SLC39A14: variants seen among roughly 807,000 people sequenced by gnomAD.
The protein encoded by SLC39A14 is metal cation symporter ZIP14.
A neutral mutation model predicts 45.5 loss-of-function variants in SLC39A14; 19 were observed. The ratio of observed to expected loss-of-function variants is 0.42; its 90% CI spans 0.29 to 0.61. The LOEUF is 0.61. Among genes scored for constraint, SLC39A14 ranks in the 20% least tolerant of loss-of-function variants. SLC39A14 has a pLI of 0.22. For missense variants in SLC39A14, 447 were observed against 616.5 expected (o/e 0.73, Z 2.91); for synonymous variants, 264 against 251.3 (o/e 1.05, Z -0.48).
At chr8:22,411,553 A>G (rs756501288) in intron 3 of SLC39A14, among the ~76,000 whole-genome samples, 3 of 152,250 alleles carry the variant, frequency 2.0e-5, no homozygotes, top group Non-Finnish European at 4.4e-5. Flanking sequence ...GACATGCAAA[A>G]GCAAACGCAG....
At chr8:22,373,406 T>C (rs1833039040) in intron 1 of SLC39A14, among the ~76,000 whole-genome samples, 1 of 152,188 alleles carries the variant, frequency 6.6e-6, no homozygotes, top group African/African-American at 2.4e-5. Context: ...CAGGTTATAA[T>C]AGGTGTAACT....
At chr8:22,415,364 A>C (rs1488973356) in intron 5 of SLC39A14, 1 of 207,742 alleles carries the variant, frequency 4.8e-6, no homozygotes, top group African/African-American at 2.4e-5. Flanking sequence ...GGAGCTCTAA[A>C]TATTTGAGCA....
chr8:22,404,953 CGTGCA>C lies in SLC39A14; in HGVS notation c.244_248del (p.Val82ArgfsTer10). On this transcript the variant is annotated frameshift_variant, in exon 2 of 9. Coordinates refer to ENST00000381237, the MANE Select transcript of SLC39A14 (RefSeq NM_001128431.4). LOFTEE classifies it high-confidence loss of function. ...TGGGCCGGGGTAATGTCACCCAGCA[CGTGCA>C]AGGACACAGGAACCTCTCCACGGTA... is the stretch of plus-strand genomic sequence containing the variant. The C allele has an allele frequency of 6.2e-7, 1 of 1,614,136 alleles. No individual in the cohort carries two copies. Among genetic ancestry groups the C allele is most frequent in the Non-Finnish European group, 8.5e-7 (1 of 1,180,022 alleles).
At chr8:22,418,862 T>G (rs1362714319) in intron 8 of SLC39A14, among the ~76,000 whole-genome samples, 1 of 152,050 alleles carries the variant, frequency 6.6e-6, no homozygotes, top group Non-Finnish European at 1.5e-5. Context: ...AAAGACCTCT[T>G]AAAGTGTTTA....
chr8:22,408,230 A>G, intron 2 of SLC39A14, 80 bp from the exon 3 acceptor site: 1 of 1,253,558 alleles, frequency 8.0e-7, no homozygotes, highest in Non-Finnish European at 1.1e-6. Flanking sequence ...TCCTCTGGGA[A>G]GGCTGAGTAG....
At chr8:22,402,089 G>A (rs1834902727) in intron 1 of SLC39A14, among the ~76,000 whole-genome samples, 1 of 152,038 alleles carries the variant, frequency 6.6e-6, no homozygotes. Context: ...CTTTTCAAGA[G>A]TCCCATTATA....
intron 1 of SLC39A14, among the ~76,000 whole-genome samples, chr8:22,387,880 C>T (rs1337347718): frequency 2.0e-5 from 3 of 152,180 alleles, no homozygotes; most frequent in Non-Finnish European, 4.4e-5. Context: ...GGCAGATCAC[C>T]TGAGGTTGGG....
chr8:22,416,592 AT>A (rs74742507), intron 7 of SLC39A14, among the ~76,000 whole-genome samples: 752 of 139,002 alleles, frequency 5.4e-3, no homozygotes, highest in African/African-American at 6.3e-3. Context: ...ACTCGGCTAA[AT>A]TTTTTTTTTT....
At chr8:22,380,817 C>T (rs1320490758) in intron 1 of SLC39A14, among the ~76,000 whole-genome samples, 2 of 151,958 alleles carry the variant, frequency 1.3e-5, no homozygotes, top group Admixed American at 6.6e-5. Context: ...GCTGGGACTA[C>T]AGGCATGTAC....
chr8:22,384,744 TAAAAAAA>T (rs34292650), intron 1 of SLC39A14, among the ~76,000 whole-genome samples: 1 of 117,290 alleles, frequency 8.5e-6, no homozygotes. Flanking sequence ...GAGACTGTCT[TAAAAAAA>T]AAAAAAAAAA....
chr8:22,417,557 G>A (rs1240859693), intron 7 of SLC39A14, 94 bp from the exon 8 acceptor site: 16 of 1,051,416 alleles, frequency 1.5e-5, no homozygotes, highest in Non-Finnish European at 2.1e-5. Flanking sequence ...TCCCAGCTGA[G>A]CCTCCTGAGT....
chr8:22,372,988 G>A (rs543435233), intron 1 of SLC39A14, among the ~76,000 whole-genome samples: 1 of 152,130 alleles, frequency 6.6e-6, no homozygotes, highest in South Asian at 2.1e-4. Context: ...TTTTGAACGG[G>A]CGCAGTGACT....
intron 1 of SLC39A14, among the ~76,000 whole-genome samples, chr8:22,389,127 G>T (rs1456946182): frequency 1.3e-5 from 2 of 152,180 alleles, no homozygotes; most frequent in Non-Finnish European, 1.5e-5. Flanking sequence ...GGCTCTGCCT[G>T]TGAGACCGGT....
intron 1 of SLC39A14, among the ~76,000 whole-genome samples, chr8:22,389,369 A>AT (rs992219261): frequency 6.6e-5 from 10 of 151,588 alleles, no homozygotes; most frequent in African/African-American, 2.4e-4. Flanking sequence ...GCAGACTGGC[A>AT]TGGGCGGGGT....
rs574736083 is a variant in SLC39A14, at chr8:22,406,399, G to T, written c.270+1419G>T. On this transcript the variant is annotated intron_variant, in intron 2 of 8. Transcript: ENST00000381237. ...AGGAGGTGGAGGCCTCAAAAGTTGG[G>T]GGGGAGGAGCGGGGCCGGGCGCGGT... Among the ~76,000 whole-genome samples, 6 of 150,870 alleles carry T rather than the reference G, an allele frequency of 4.0e-5. No homozygotes were observed. The East Asian group carries it at 9.8e-4, about 25-fold the overall frequency.
chr8:22,408,299 C>T lies in SLC39A14; in HGVS notation c.271-11C>T, dbSNP rs775223692. The T allele has an allele frequency of 1.2e-6, 2 of 1,609,978 alleles. No individual in the cohort carries two copies. The highest frequency in any genetic ancestry group is 1.7e-6 in the Non-Finnish European group (2 of 1,176,750). ...GGGTCTAAGCGGCTTCCTGCCCTTCCTGTGTTTCAGTGCTTTAGTTCTGGA... is the reference window on the plus strand; with the variant it reads ...GGGTCTAAGCGGCTTCCTGCCCTTCTTGTGTTTCAGTGCTTTAGTTCTGGA... On this transcript the variant is annotated splice_polypyrimidine_tract_variant and intron_variant, in intron 2 of 8. Transcript: ENST00000381237.
At chr8:22,404,579 C>T in intron 1 of SLC39A14, 117 bp from the exon 2 acceptor site, 1 of 910,304 alleles carries the variant, frequency 1.1e-6, no homozygotes, top group Admixed American at 2.4e-5. Context: ...CAAGAAGGAG[C>T]AGAGAAGCAG....
At chr8:22,390,539 G>T (rs1421176845) in intron 1 of SLC39A14, 1 of 152,924 alleles carries the variant, frequency 6.5e-6, no homozygotes, top group Non-Finnish European at 1.5e-5. Flanking sequence ...AGCCTCAAGT[G>T]ATCTGCCCAC....
intron 1 of SLC39A14, among the ~76,000 whole-genome samples, chr8:22,380,048 T>TA (rs1157139677): frequency 6.6e-6 from 1 of 152,008 alleles, no homozygotes; most frequent in South Asian, 2.1e-4. Flanking sequence ...TTGTATTCAA[T>TA]ACTATAAGTA....
Sources: allele counts gnomAD v4.1 joint callset (sites outside exome capture counted in the v4.1 genomes callset), GRCh38; gene constraint gnomAD v4.1.1; transcripts MANE v1.5; gene names NCBI Gene and HGNC (gene_info 2026-07-23, HGNC 2026-07-21).